Variants in PTPRD observed in about 807,000 individuals in gnomAD.
PTPRD encodes the protein protein tyrosine phosphatase receptor type D, also known as receptor-type tyrosine-protein phosphatase delta.
In PTPRD, 34 loss-of-function variants were observed where a neutral mutation model predicts 214.5. That is an observed-to-expected ratio of 0.16 (90% CI 0.12 to 0.21). PTPRD has a LOEUF of 0.21. PTPRD is among the 10% of genes least tolerant of loss of function. The pLI, the probability that PTPRD is intolerant of heterozygous loss-of-function variation, is 1.00. For synonymous variants in PTPRD, 1,128 were observed against 845.7 expected, an observed-to-expected ratio of 1.33 and a Z score of -5.79; for missense variants, 2,545 against 2,398.7, an observed-to-expected ratio of 1.06 and a Z score of -1.27.
chr9:10,230,111 T>C (rs1426814083), intron 3 of PTPRD, among the ~76,000 whole-genome samples: 2 of 151,968 alleles, frequency 1.3e-5, no homozygotes, highest in Non-Finnish European at 2.9e-5. Context: ...AAGGTGAGGA[T>C]AGTCAGTATA....
chr9:8,436,594 C>G lies in PTPRD; in HGVS notation c.4084G>C (p.Glu1362Gln). 1.2e-6 allele frequency: 2 copies of G among 1,607,112 alleles called. No individual in the cohort carries two copies. Among genetic ancestry groups the G allele is most frequent in the South Asian group, 1.1e-5 (1 of 90,892 alleles). Residue 1362 changes from glutamate to glutamine, a missense_variant and splice_region_variant, in exon 35 of 46, where the codon GAG (glutamate) becomes CAG (glutamine). Coordinates refer to ENST00000381196, the MANE Select transcript of PTPRD (RefSeq NM_002839.4). ...AAAGAATAAACACAGTGAATTACCT[C>G]ATATTCCTGGGAAAACTTCAAGTTG... ...NDNLKFSQEY[E>Q]SIDPGQQFTW...
At chr9:8,942,458 A>G (rs759794787) in intron 11 of PTPRD, among the ~76,000 whole-genome samples, 2 of 152,178 alleles carry the variant, frequency 1.3e-5, no homozygotes, top group Non-Finnish European at 2.9e-5. Flanking sequence ...AATGAACTTC[A>G]TCAGCAACTG....
chr9:9,208,175 C>T lies in PTPRD; in HGVS notation c.-202-24812G>A, dbSNP rs540080027. On this transcript the variant is annotated intron_variant, in intron 9 of 45. Coordinates refer to ENST00000381196, the MANE Select transcript of PTPRD (RefSeq NM_002839.4). ...GACTACGGGCACCCGCCACCACGCC[C>T]GGCTAATTTTTTGTAGTTTTAGTCG... 4.0e-5 allele frequency among the ~76,000 whole-genome samples: 6 copies of T among 151,550 alleles called. No individual in the cohort carries two copies. In the East Asian group the frequency reaches 7.8e-4, roughly 20 times the overall value.
chr9:9,126,098 G>A (rs186178651), intron 10 of PTPRD, among the ~76,000 whole-genome samples: 1 of 152,270 alleles, frequency 6.6e-6, no homozygotes, highest in Admixed American at 6.5e-5. Context: ...ATTATACAGA[G>A]CTTTTAAAGG....
chr9:8,532,654 T>A (rs1192257249), intron 14 of PTPRD, among the ~76,000 whole-genome samples: 3 of 152,074 alleles, frequency 2.0e-5, no homozygotes, highest in Non-Finnish European at 2.9e-5. Context: ...TAATATTCAA[T>A]CATGCAGAAT....
At chr9:9,992,222 AT>A (rs2154080520) in intron 4 of PTPRD, among the ~76,000 whole-genome samples, 1 of 152,338 alleles carries the variant, frequency 6.6e-6, no homozygotes, top group East Asian at 1.9e-4. Context: ...TGTGTTTTCA[AT>A]GATTGAACTA....
rs558857619 is a variant in PTPRD at position 8,615,602 on chromosome 9, T to A, written c.352+17715A>T. Reference sequence around the variant, plus strand: ...TAGCCTCAAGGGTAAAAATGTCTAATAAGAACAAAACCATTCTAAGTGAAT... The same window carrying A: ...TAGCCTCAAGGGTAAAAATGTCTAAAAAGAACAAAACCATTCTAAGTGAAT... On this transcript the variant is annotated intron_variant, in intron 14 of 45. Coordinates refer to ENST00000381196, the MANE Select transcript of PTPRD (RefSeq NM_002839.4). Among the ~76,000 whole-genome samples the A allele has an allele frequency of 1.1e-4, 16 of 152,204 alleles. No individual in the cohort carries two copies. The East Asian group carries it at 2.7e-3, about 26-fold the overall frequency.
At chr9:8,770,838 C>T (rs1028213458) in intron 11 of PTPRD, among the ~76,000 whole-genome samples, 1 of 152,102 alleles carries the variant, frequency 6.6e-6, no homozygotes, top group Non-Finnish European at 1.5e-5. Flanking sequence ...AAGATGTAAT[C>T]AGCATTCATT....
At chr9:10,466,754 A>C (rs568331742) in intron 2 of PTPRD, among the ~76,000 whole-genome samples, 68 of 152,316 alleles carry the variant, frequency 4.5e-4, no homozygotes, top group African/African-American at 1.5e-3. Flanking sequence ...TAAAGTTTAA[A>C]AAATGGTAAA....
intron 9 of PTPRD, among the ~76,000 whole-genome samples, chr9:9,336,254 C>A (rs1337377243): frequency 6.6e-6 from 1 of 151,988 alleles, no homozygotes; most frequent in African/African-American, 2.4e-5. Context: ...CTGATGTTAT[C>A]TCTGGAAAGA....
At chr9:9,909,458 A>C (rs1006306426) in intron 5 of PTPRD, among the ~76,000 whole-genome samples, 6 of 123,614 alleles carry the variant, frequency 4.9e-5, no homozygotes, top group African/African-American at 2.0e-4. Context: ...TAAAAATGAC[A>C]GTTGAAAAAA....
At chr9:8,768,432 G>C (rs1437055763) in intron 11 of PTPRD, among the ~76,000 whole-genome samples, 1 of 152,070 alleles carries the variant, frequency 6.6e-6, no homozygotes, top group Non-Finnish European at 1.5e-5. Context: ...CACACCTGTA[G>C]TCCCAGCTAC....
At chr9:10,121,431 G>C (rs1053112386) in intron 3 of PTPRD, among the ~76,000 whole-genome samples, 3 of 152,112 alleles carry the variant, frequency 2.0e-5, no homozygotes, top group Non-Finnish European at 4.4e-5. Context: ...GTGGCCAAAA[G>C]TGTTGTCATT....
intron 10 of PTPRD, among the ~76,000 whole-genome samples, chr9:9,051,913 T>A (rs1434382145): frequency 6.6e-6 from 1 of 152,210 alleles, no homozygotes; most frequent in African/African-American, 2.4e-5. Flanking sequence ...TCATAATGAA[T>A]CTAAAATAAA....
intron 9 of PTPRD, among the ~76,000 whole-genome samples, chr9:9,263,449 A>G (rs2099981005): frequency 1.3e-5 from 2 of 151,716 alleles, no homozygotes; most frequent in South Asian, 4.1e-4. Flanking sequence ...ATAGTGTAAC[A>G]TAACCATATT....
chr9:10,006,761 C>T (rs773881576), intron 4 of PTPRD, among the ~76,000 whole-genome samples: 1 of 151,816 alleles, frequency 6.6e-6, no homozygotes, highest in Non-Finnish European at 1.5e-5. Flanking sequence ...CAATGAAACA[C>T]CAAAGAATGC....
At chr9:8,502,458 T>A (rs1353245143) in intron 23 of PTPRD, among the ~76,000 whole-genome samples, 1 of 152,038 alleles carries the variant, frequency 6.6e-6, no homozygotes, top group Non-Finnish European at 1.5e-5. Flanking sequence ...TGCCTTGTGT[T>A]CATTATTACA....
intron 16 of PTPRD, 63 bp from the exon 17 acceptor site, chr9:8,526,707 A>T: frequency 7.3e-7 from 1 of 1,377,976 alleles, no homozygotes; most frequent in Non-Finnish European, 1.0e-6. Context: ...GAGAAGAAGG[A>T]GGCTAGGGCT....
chr9:8,726,786 G>T (rs1418634279), intron 12 of PTPRD, among the ~76,000 whole-genome samples: 9 of 111,810 alleles, frequency 8.0e-5, no homozygotes, highest in Non-Finnish European at 1.4e-4. Context: ...CGGTGACAGA[G>T]TGAGACTCCA....
Sources: allele counts gnomAD v4.1 joint callset (sites outside exome capture counted in the v4.1 genomes callset), GRCh38; gene constraint gnomAD v4.1.1; transcripts MANE v1.5; gene names NCBI Gene and HGNC (gene_info 2026-07-23, HGNC 2026-07-21).